KDM4C: variants seen among roughly 807,000 people sequenced by gnomAD.
KDM4C encodes lysine demethylase 4C.
A neutral mutation model predicts 129.3 loss-of-function variants in KDM4C; 81 were observed. The ratio of observed to expected loss-of-function variants is 0.63; its 90% CI spans 0.52 to 0.75. The LOEUF (loss-of-function observed/expected upper bound fraction) is 0.75, where lower values mean the gene tolerates loss of function less well. Among genes scored for constraint, KDM4C ranks in the 30% least tolerant of loss-of-function variants. The pLI is 0.00. For synonymous variants in KDM4C, 573 were observed against 456.1 expected, an observed-to-expected ratio of 1.26 and a Z score of -3.26; for missense variants, 1,457 against 1,304.0, an observed-to-expected ratio of 1.12 and a Z score of -1.81.
At chr9:6,927,740 C>T (rs1028718888) in intron 8 of KDM4C, among the ~76,000 whole-genome samples, 2 of 152,160 alleles carry the variant, frequency 1.3e-5, no homozygotes, top group African/African-American at 2.4e-5. Context: ...TCTCTCAGTT[C>T]CCACCCTGTT....
chr9:7,013,181 TAAAG>T (rs1563981746), intron 13 of KDM4C, among the ~76,000 whole-genome samples: 1 of 152,172 alleles, frequency 6.6e-6, no homozygotes, highest in Non-Finnish European at 1.5e-5. Context: ...GTATAAAACA[TAAAG>T]TAATATAAAA....
chr9:6,888,458 T>G lies in KDM4C; in HGVS notation c.783+395T>G, dbSNP rs115667881. On this transcript the variant is annotated intron_variant, in intron 7 of 21. Coordinates refer to ENST00000381309, the MANE Select transcript of KDM4C (RefSeq NM_015061.6). ...ATCAATGATTATGGTAGCACTATGT[T>G]GCTTGTAAACACATTTAGACATAAT... 5.4e-3 allele frequency among the ~76,000 whole-genome samples: 824 copies of G among 152,332 alleles called. 7 individuals are homozygous for G. The highest frequency in any genetic ancestry group is 0.019 in the African/African-American group (794 of 41,560).
At chr9:6,790,937 C>G (rs974219590) in intron 1 of KDM4C, among the ~76,000 whole-genome samples, 1 of 152,150 alleles carries the variant, frequency 6.6e-6, no homozygotes, top group Non-Finnish European at 1.5e-5. Context: ...CTACTTTGAT[C>G]TCCTATAGTC....
chr9:6,827,869 C>T (rs1043890773), intron 4 of KDM4C, among the ~76,000 whole-genome samples: 4 of 152,198 alleles, frequency 2.6e-5, no homozygotes, highest in African/African-American at 4.8e-5. Context: ...CATGTTATGG[C>T]TGCTCTTTAG....
At chr9:6,783,115 T>C (rs1824717443) in intron 1 of KDM4C, among the ~76,000 whole-genome samples, 1 of 152,180 alleles carries the variant, frequency 6.6e-6, no homozygotes, top group Non-Finnish European at 1.5e-5. Context: ...ACCTTTACCC[T>C]GGTAAAAGGT....
intron 1 of KDM4C, among the ~76,000 whole-genome samples, chr9:6,769,361 C>G (rs1821300603): frequency 6.6e-6 from 1 of 151,324 alleles, no homozygotes; most frequent in Non-Finnish European, 1.5e-5. Flanking sequence ...CTTCTCTTTT[C>G]TTTTTTGGCA....
intron 9 of KDM4C, among the ~76,000 whole-genome samples, chr9:6,983,613 C>CACACACACACACACACACA (rs1554679077): frequency 1.2e-4 from 17 of 146,522 alleles, no homozygotes; most frequent in East Asian, 4.0e-4. Context: ...CACACACACA[C>CACACACACACACACACACA]CAGTTAGCCT....
chr9:7,166,197 T>C (rs953920197), intron 20 of KDM4C, among the ~76,000 whole-genome samples: 6 of 152,076 alleles, frequency 3.9e-5, no homozygotes, highest in African/African-American at 1.4e-4. Context: ...AGCAAGAAGG[T>C]TCAGGCCTGT....
chr9:6,774,131 A>G (rs1434144229), intron 1 of KDM4C, among the ~76,000 whole-genome samples: 2 of 151,730 alleles, frequency 1.3e-5, no homozygotes, highest in African/African-American at 2.4e-5. Context: ...CAAGTGATCC[A>G]CCTGCCTCAG....
intron 3 of KDM4C, among the ~76,000 whole-genome samples, chr9:6,809,901 G>A (rs983957783): frequency 6.6e-6 from 1 of 152,124 alleles, no homozygotes; most frequent in South Asian, 2.1e-4. Context: ...GGAGGCTGAG[G>A]ATTGCTTGTG....
chr9:6,857,922 G>GTTTTT (rs71487861), intron 5 of KDM4C, among the ~76,000 whole-genome samples: 3,342 of 102,984 alleles, frequency 0.032, 214 homozygotes, highest in African/African-American at 0.096. Context: ...ATCTGGCTAA[G>GTTTTT]TTTTTTTTTT....
chr9:6,851,417 G>A (rs1000300076), intron 5 of KDM4C, among the ~76,000 whole-genome samples: 2 of 152,276 alleles, frequency 1.3e-5, no homozygotes, highest in East Asian at 1.9e-4. Context: ...GAGACTAGGA[G>A]AAATATTTTC....
chr9:6,855,759 G>C (rs191928765), intron 5 of KDM4C, among the ~76,000 whole-genome samples: 51 of 152,214 alleles, frequency 3.4e-4, no homozygotes, highest in Middle Eastern at 3.4e-3. Flanking sequence ...TATAATTCAA[G>C]TCTTACTTTT....
At chr9:7,091,788 G>A (rs898662203) in intron 17 of KDM4C, among the ~76,000 whole-genome samples, 1 of 152,060 alleles carries the variant, frequency 6.6e-6, no homozygotes, top group Admixed American at 6.5e-5. Flanking sequence ...CTGCGACTGG[G>A]AAGACATGGG....
chr9:7,079,233 A>G (rs1291978944), intron 17 of KDM4C, among the ~76,000 whole-genome samples: 1 of 152,218 alleles, frequency 6.6e-6, no homozygotes, highest in African/African-American at 2.4e-5. Flanking sequence ...AAAAAGCCAG[A>G]AATATTCTTT....
intron 17 of KDM4C, among the ~76,000 whole-genome samples, chr9:7,085,327 C>G (rs1376181046): frequency 2.0e-5 from 3 of 152,162 alleles, no homozygotes; most frequent in African/African-American, 7.2e-5. Flanking sequence ...TTGCAGAATT[C>G]CCATTCTAAG....
intron 1 of KDM4C, among the ~76,000 whole-genome samples, chr9:6,767,238 A>G (rs1271998696): frequency 6.6e-6 from 1 of 151,868 alleles, no homozygotes; most frequent in African/African-American, 2.4e-5. Context: ...TCCTGGGTTC[A>G]CGCCATTCTC....
At chr9:6,784,643 C>A (rs527241551) in intron 1 of KDM4C, among the ~76,000 whole-genome samples, 1 of 152,220 alleles carries the variant, frequency 6.6e-6, no homozygotes, top group Non-Finnish European at 1.5e-5. Context: ...CATTCCTACC[C>A]CTGGCCTCAG....
At chr9:6,925,759 T>A (rs79964067) in intron 8 of KDM4C, 1 of 454,466 alleles carries the variant, frequency 2.2e-6, no homozygotes, top group Non-Finnish European at 2.9e-6. Flanking sequence ...AACTTTTTAA[T>A]TGAGATTCAT....
Sources: gnomAD v4.1 joint callset for allele counts (sites outside exome capture counted in the v4.1 genomes callset) on GRCh38, gnomAD v4.1.1 for gene constraint, MANE v1.5 for transcripts, NCBI Gene and HGNC (gene_info 2026-07-23, HGNC 2026-07-21) for gene names.